Variants in CNTN4 observed in about 807,000 individuals in gnomAD.
CNTN4 encodes contactin-4.
A neutral mutation model predicts 122.5 loss-of-function variants in CNTN4; 77 were observed. That is an observed-to-expected ratio of 0.63 (90% CI 0.52 to 0.76). The LOEUF (loss-of-function observed/expected upper bound fraction) is 0.76. Ranked by LOEUF, CNTN4 falls within the 30% of genes least tolerant of loss-of-function variation. The probability of loss-of-function intolerance (pLI) is 0.00; values close to 1 mark genes in which losing one functional copy is unlikely to be tolerated. For missense variants in CNTN4, 1,256 were observed against 1,259.1 expected (o/e 1.00, Z 0.04); for synonymous variants, 512 against 447.0 (o/e 1.15, Z -1.83).
At position 2,370,633 on chromosome 3, in the gene CNTN4, T is replaced by C. The variant is rs138637187; in HGVS notation, c.-89+31400T>C. Among the ~76,000 whole-genome samples the C allele has an allele frequency of 2.6e-3, 389 of 152,358 alleles. 3 individuals are homozygous for C. Among genetic ancestry groups the C allele is most frequent in the African/African-American group, 8.3e-3 (345 of 41,584 alleles). On this transcript the variant is annotated intron_variant, in intron 3 of 24. Coordinates refer to ENST00000418658, the MANE Select transcript of CNTN4 (RefSeq NM_175607.3). ...AAAAAGTGGTTTGTAGTTTATGGAA[T>C]GAGTCCCTTATTCTAAATATGGTGC...
At chr3:2,844,736 G>T (rs936188031) in intron 7 of CNTN4, among the ~76,000 whole-genome samples, 1 of 152,126 alleles carries the variant, frequency 6.6e-6, no homozygotes, top group African/African-American at 2.4e-5. Flanking sequence ...AAAATTATAT[G>T]GTCTAATCAG....
chr3:2,273,459 G>A (rs180862963), intron 2 of CNTN4, among the ~76,000 whole-genome samples: 19 of 152,248 alleles, frequency 1.2e-4, no homozygotes, highest in Admixed American at 3.9e-4. Context: ...TACTATTGAT[G>A]TCTTATGGGG....
chr3:2,791,640 C>G (rs41521446), intron 6 of CNTN4, among the ~76,000 whole-genome samples: 22,641 of 152,130 alleles, frequency 0.15, 2,236 homozygotes, highest in East Asian at 0.41. Flanking sequence ...TATTACTTTT[C>G]TCAGCTACTG....
intron 14 of CNTN4, among the ~76,000 whole-genome samples, chr3:3,005,996 G>C (rs577408336): frequency 2.7e-5 from 4 of 149,666 alleles, no homozygotes; most frequent in Admixed American, 6.7e-5. Flanking sequence ...CGCCATTCTC[G>C]TGCCTCAGCC....
intron 3 of CNTN4, among the ~76,000 whole-genome samples, chr3:2,549,787 T>C (rs375021119): frequency 3.3e-5 from 5 of 152,146 alleles, no homozygotes; most frequent in Admixed American, 6.6e-5. Context: ...CTAGCTCCTC[T>C]TTGTACCTCT....
chr3:2,380,081 G>C lies in CNTN4; in HGVS notation c.-89+40848G>C, dbSNP rs527337105. 1.2e-3 allele frequency among the ~76,000 whole-genome samples: 181 copies of C among 145,872 alleles called. 2 individuals are homozygous for C. The highest frequency in any genetic ancestry group is 4.6e-3 in the African/African-American group (179 of 38,992). On this transcript the variant is annotated intron_variant, in intron 3 of 24. Coordinates refer to ENST00000418658, the MANE Select transcript of CNTN4 (RefSeq NM_175607.3). The stretch of plus-strand genomic sequence containing the variant: ...TCAAAAAAAAAAAAAAAAAATCATA[G>C]GGTTTTGGTGATAATTTAATTAGAT...
At chr3:2,430,568 T>A (rs1001725955) in intron 3 of CNTN4, among the ~76,000 whole-genome samples, 3 of 141,514 alleles carry the variant, frequency 2.1e-5, no homozygotes, top group South Asian at 2.3e-4. Context: ...TGCCATTTTT[T>A]AATAAATTTT....
chr3:2,829,034 C>T (rs946998773), intron 7 of CNTN4, among the ~76,000 whole-genome samples: 23 of 152,156 alleles, frequency 1.5e-4, no homozygotes, highest in African/African-American at 4.1e-4. Context: ...CCACCGTGCC[C>T]ATCCAGGAAT....
chr3:2,170,163 T>A (rs1009910502), intron 2 of CNTN4, among the ~76,000 whole-genome samples: 1 of 146,190 alleles, frequency 6.8e-6, no homozygotes, highest in Non-Finnish European at 1.5e-5. Flanking sequence ...CTACTAAAAA[T>A]ACAAAAAATT....
intron 10 of CNTN4, among the ~76,000 whole-genome samples, chr3:2,887,875 T>A (rs546661002): frequency 2.0e-5 from 3 of 152,316 alleles, no homozygotes; most frequent in African/African-American, 7.2e-5. Flanking sequence ...GATACTGATT[T>A]GAAATCTCGA....
chr3:3,054,884 A>G (rs747739664), intron 24 of CNTN4, among the ~76,000 whole-genome samples: 1 of 152,200 alleles, frequency 6.6e-6, no homozygotes, highest in Non-Finnish European at 1.5e-5. Context: ...CTGTGGTTAG[A>G]TATCTAAGTG....
rs1172847208 is a variant in CNTN4 at position 3,057,428 on chromosome 3, G to C, written c.*1208G>C. On this transcript the variant is annotated 3_prime_UTR_variant, in exon 25 of 25. Transcript: ENST00000418658. ...CTTCTAGGTCTTAAAATCACACATT[G>C]GAAAATGACAATATCAACAAAACTG... 6.6e-6 allele frequency: 1 copy of C among 152,482 alleles called. No individual in the cohort carries two copies. The highest frequency in any genetic ancestry group is 1.5e-5 in the Non-Finnish European group (1 of 68,006). The allele number at this position is 152,482 out of a possible 1,614,324, so 9.4% of individuals were successfully genotyped here. A position where few individuals can be genotyped will look rare whatever the true frequency, so the allele number is the denominator to read the frequency against.
At chr3:2,272,786 A>G (rs941615964) in intron 2 of CNTN4, among the ~76,000 whole-genome samples, 6 of 143,162 alleles carry the variant, frequency 4.2e-5, no homozygotes, top group Admixed American at 7.5e-5. Flanking sequence ...GAGCATTGTA[A>G]GGGTAGCAGA....
At chr3:2,587,096 A>G (rs1219262350) in intron 4 of CNTN4, among the ~76,000 whole-genome samples, 1 of 152,228 alleles carries the variant, frequency 6.6e-6, no homozygotes, top group Admixed American at 6.5e-5. Flanking sequence ...TTTAAAATTC[A>G]CTAGGCTAAT....
At chr3:2,868,014 C>T (rs2093743524) in intron 8 of CNTN4, among the ~76,000 whole-genome samples, 2 of 152,072 alleles carry the variant, frequency 1.3e-5, no homozygotes, top group South Asian at 2.1e-4. Flanking sequence ...TTTAAGCAGT[C>T]GTTGTAGACA....
At chr3:2,684,942 G>A (rs973671101) in intron 4 of CNTN4, among the ~76,000 whole-genome samples, 1 of 152,196 alleles carries the variant, frequency 6.6e-6, no homozygotes, top group African/African-American at 2.4e-5. Context: ...GCCTTGTTCA[G>A]GGATCAGTGT....
At chr3:3,056,060 C>A in intron 24 of CNTN4, 60 bp from the exon 25 acceptor site, 1 of 1,303,540 alleles carries the variant, frequency 7.7e-7, no homozygotes. Flanking sequence ...GCCCCGTGGC[C>A]CCTCTTCCCT....
chr3:2,953,267 A>G (rs2094764595), intron 13 of CNTN4, among the ~76,000 whole-genome samples: 1 of 151,996 alleles, frequency 6.6e-6, no homozygotes, highest in Non-Finnish European at 1.5e-5. Flanking sequence ...TTTCCTTCCA[A>G]CTGCCCTGAG....
chr3:2,930,434 CAAGA>C (rs1201341194), intron 13 of CNTN4, among the ~76,000 whole-genome samples: 2 of 152,150 alleles, frequency 1.3e-5, no homozygotes, highest in East Asian at 3.9e-4. Context: ...GGTGCTTAGA[CAAGA>C]AAGTTTAGTT....
Sources: gnomAD v4.1 joint callset for allele counts (sites outside exome capture counted in the v4.1 genomes callset) on GRCh38, gnomAD v4.1.1 for gene constraint, MANE v1.5 for transcripts, NCBI Gene and HGNC (gene_info 2026-07-23, HGNC 2026-07-21) for gene names.